The following RSPH14 variants were observed in gnomAD, a reference collection of about 807,000 sequenced individuals.
RSPH14 encodes the protein rhabdoid tumor deletion region gene 1.
Under a neutral mutation model 26.7 loss-of-function variants are expected in RSPH14, and 20 were observed. The observed-to-expected ratio is 0.75, with a 90% CI of 0.53 to 1.09. The LOEUF is 1.09. RSPH14 is among the 50% of genes least tolerant of loss of function. The probability of loss-of-function intolerance (pLI) is 0.00; values close to 1 mark genes in which losing one functional copy is unlikely to be tolerated. For synonymous variants in RSPH14, 177 were observed against 189.3 expected (o/e 0.93, Z 0.53); for missense variants, 449 against 457.2 (o/e 0.98, Z 0.16).
At chr22:23,136,890 T>A (rs2070493524) in intron 3 of RSPH14, among the ~76,000 whole-genome samples, 1 of 137,946 alleles carries the variant, frequency 7.2e-6, no homozygotes, top group Non-Finnish European at 1.6e-5. Flanking sequence ...ATCTGCAGAG[T>A]GAGGCTGGGA....
intron 1 of RSPH14, among the ~76,000 whole-genome samples, 155 bp downstream of exon 1, chr22:23,141,794 G>A (rs1052903479): frequency 1.3e-5 from 2 of 152,322 alleles, no homozygotes; most frequent in East Asian, 3.9e-4. Flanking sequence ...GGAGACAGGG[G>A]CCTGCCTTCT....
chr22:23,180,577 G>T, the RSPH14 span: 1 of 38,886 alleles, frequency 2.6e-5, no homozygotes, highest in Non-Finnish European at 3.4e-5. Flanking sequence ...AGGAGGCGGC[G>T]GCGGCGGCGG....
intron 4 of RSPH14, among the ~76,000 whole-genome samples, chr22:23,089,721 T>TG (rs1187999414): frequency 1.3e-5 from 2 of 152,152 alleles, no homozygotes; most frequent in African/African-American, 4.8e-5. Flanking sequence ...TGTCCATGTG[T>TG]GGGCTGAAGG....
Position 23,140,353 on chromosome 22 carries a change from T to C in RSPH14, c.68A>G (p.Tyr23Cys), listed in dbSNP as rs764496143. ...NINATQITTA[Y>C]GHRALPKLKE... The stretch of plus-strand genomic sequence containing the variant: ...CAGCTTGGGCAGGGCCCGATGGCCA[T>C]AGGCAGTGGTAATCTGGGTGGCATT... The change falls in exon 2 of 7, where the codon TAT becomes TGT. Residue 23 changes from tyrosine to cysteine, a missense_variant. Physicochemically the swap from Tyr to Cys is radical, Grantham distance 194. Coordinates refer to ENST00000216036, the MANE Select transcript of RSPH14 (RefSeq NM_014433.3). 24 of 1,614,104 alleles carry C rather than the reference T, an allele frequency of 1.5e-5. No homozygotes were observed. In the Admixed American group the frequency reaches 1.5e-4, roughly 10 times the overall value.
chr22:23,173,856 C>T, the RSPH14 span, among the ~76,000 whole-genome samples: 20 of 151,962 alleles, frequency 1.3e-4, no homozygotes, highest in South Asian at 1.2e-3. Context: ...TACAGGCATG[C>T]GCCACCACAC....
At chr22:23,173,370 G>A in the RSPH14 span, among the ~76,000 whole-genome samples, 3 of 152,136 alleles carry the variant, frequency 2.0e-5, 1 homozygote, top group Middle Eastern at 6.8e-3. Context: ...TCCTGACCTC[G>A]TGAGCCGCCC....
intron 4 of RSPH14, among the ~76,000 whole-genome samples, chr22:23,074,368 G>T (rs1014901818): frequency 1.3e-5 from 2 of 152,190 alleles, no homozygotes; most frequent in Non-Finnish European, 2.9e-5. Flanking sequence ...TTTTAAAGCT[G>T]CAGCTTTTAA....
At chr22:23,113,662 G>A (rs942253121) in intron 4 of RSPH14, among the ~76,000 whole-genome samples, 1 of 152,182 alleles carries the variant, frequency 6.6e-6, no homozygotes, top group African/African-American at 2.4e-5. Context: ...AACACCACAG[G>A]CCCCTCCACT....
At chr22:23,123,869 C>T in intron 4 of RSPH14, 1 of 220,922 alleles carries the variant, frequency 4.5e-6, no homozygotes, top group South Asian at 7.5e-5. Context: ...AGCTCGCTGC[C>T]CGAGCTCTGG....
At chr22:23,138,789 G>C in intron 3 of RSPH14, 51 bp downstream of exon 3, 1 of 1,458,192 alleles carries the variant, frequency 6.9e-7, no homozygotes, top group Non-Finnish European at 9.4e-7. Context: ...TCCACCCAGG[G>C]GAGAAGTGCG....
chr22:23,141,006 G>C (rs1031051021), intron 1 of RSPH14, among the ~76,000 whole-genome samples: 1 of 152,132 alleles, frequency 6.6e-6, no homozygotes, highest in Non-Finnish European at 1.5e-5. Flanking sequence ...AGATGCTTCT[G>C]ACACATCCAT....
chr22:23,148,788 T>C (rs2070944517), upstream of RSPH14, among the ~76,000 whole-genome samples: 1 of 152,234 alleles, frequency 6.6e-6, no homozygotes, highest in East Asian at 1.9e-4. Context: ...CATCCTGTAA[T>C]GACCATTGTG....
At chr22:23,068,529 C>A (rs955023066) in intron 4 of RSPH14, among the ~76,000 whole-genome samples, 1 of 152,208 alleles carries the variant, frequency 6.6e-6, no homozygotes, top group African/African-American at 2.4e-5. Context: ...GGTGAGATGT[C>A]CCTCTCTTAC....
Position 23,140,257 on chromosome 22 carries a change from T to TGCATGAGGTCAC in RSPH14, c.152_163dup (p.Met54_His55insArgAspLeuMet), listed in dbSNP as rs2070567455. 6.2e-6 allele frequency: 10 copies of TGCATGAGGTCAC among 1,614,134 alleles called. No individual in the cohort carries two copies. Among genetic ancestry groups the TGCATGAGGTCAC allele is most frequent in the Non-Finnish European group, 8.5e-6 (10 of 1,180,024 alleles). ...GGCCTTGTAGATACACTCGGGGTCA[T>TGCATGAGGTCAC]GCATGAGGTCACACAAGGCCATGAG... On this transcript the variant is annotated inframe_insertion, in exon 2 of 7. Coordinates refer to ENST00000216036, the MANE Select transcript of RSPH14 (RefSeq NM_014433.3).
chr22:23,161,876 C>T, the RSPH14 span: 1 of 372,008 alleles, frequency 2.7e-6, no homozygotes, highest in Non-Finnish European at 5.0e-6. Flanking sequence ...CCTTTGGCCT[C>T]AAGAGGCCTC....
the RSPH14 span, among the ~76,000 whole-genome samples, chr22:23,160,266 C>T: frequency 1.3e-5 from 2 of 152,180 alleles, no homozygotes; most frequent in South Asian, 4.1e-4. Context: ...GAGAACCCTT[C>T]CTCCCTTATC....
At chr22:23,074,865 C>T (rs1333067192) in intron 4 of RSPH14, among the ~76,000 whole-genome samples, 1 of 151,996 alleles carries the variant, frequency 6.6e-6, no homozygotes, top group Non-Finnish European at 1.5e-5. Flanking sequence ...ATTTTGGGGG[C>T]CCCCATTTGA....
chr22:23,177,105 C>A, the RSPH14 span, among the ~76,000 whole-genome samples: 1 of 152,366 alleles, frequency 6.6e-6, no homozygotes, highest in Non-Finnish European at 1.5e-5. Context: ...GGCCCTGCCT[C>A]ACCTCTGATC....
intron 4 of RSPH14, among the ~76,000 whole-genome samples, chr22:23,111,505 GC>G (rs1354010365): frequency 1.3e-5 from 2 of 152,244 alleles, no homozygotes; most frequent in African/African-American, 4.8e-5. Context: ...CAGTGGTGAT[GC>G]CAGAGAGGTG....
Sources: gnomAD v4.1 joint callset for allele counts (sites outside exome capture counted in the v4.1 genomes callset) on GRCh38, gnomAD v4.1.1 for gene constraint, MANE v1.5 for transcripts, NCBI Gene and HGNC (gene_info 2026-07-23, HGNC 2026-07-21) for gene names.